Variants in TET1 observed in about 807,000 individuals in gnomAD.
TET1 encodes tet methylcytosine dioxygenase 1.
A neutral mutation model predicts 148.7 loss-of-function variants in TET1; 13 were observed. The observed-to-expected ratio is 0.09, with a 90% confidence interval of 0.06 to 0.14. The LOEUF is 0.14. Ranked by LOEUF, TET1 falls within the 10% of genes least tolerant of loss-of-function variation. TET1 has a pLI of 1.00. For missense variants in TET1, 2,182 were observed against 2,553.8 expected (o/e 0.85, Z 3.14); for synonymous variants, 907 against 937.2 (o/e 0.97, Z 0.59).
At chr10:68,591,754 T>G (rs2053921381) in intron 2 of TET1, among the ~76,000 whole-genome samples, 1 of 151,676 alleles carries the variant, frequency 6.6e-6, no homozygotes, top group Non-Finnish European at 1.5e-5. Flanking sequence ...ATACAAAAAA[T>G]TAGCTGGGCG....
chr10:68,570,368 G>T (rs894434512), intron 1 of TET1, among the ~76,000 whole-genome samples: 1 of 152,034 alleles, frequency 6.6e-6, no homozygotes, highest in Non-Finnish European at 1.5e-5. Context: ...GCCTCCCAAA[G>T]TGCTGGGATT....
rs750542890 is a variant in TET1, at chr10:68,691,466, G to A, written c.6063G>A (p.Glu2021=). 1.2e-6 allele frequency: 2 copies of A among 1,614,100 alleles called. No individual in the cohort carries two copies. Among genetic ancestry groups the A allele is most frequent in the Middle Eastern group, 1.6e-4 (1 of 6,062 alleles). The change falls in exon 12 of 12, where the codon GAG becomes GAA. Residue 2021 remains glutamate (E), a synonymous_variant. Coordinates refer to ENST00000373644, the MANE Select transcript of TET1 (RefSeq NM_030625.3). This position sits in a 1 kb window ranked among gnomAD's most constrained non-coding sequence, Gnocchi z 4.4. ...IAPAHGSVLI[E]CARRELHATT... is the part of the protein sequence containing the mutation. ...CTGCTCACGGCTCGGTTTTGATTGAGTGTGCCCGGCGAGAGCTGCACGCTA... is the reference window on the plus strand; with the variant it reads ...CTGCTCACGGCTCGGTTTTGATTGAATGTGCCCGGCGAGAGCTGCACGCTA...
chr10:68,672,812 C>A, intron 7 of TET1, 83 bp from the exon 8 acceptor site: 1 of 1,253,686 alleles, frequency 8.0e-7, no homozygotes, highest in Non-Finnish European at 1.1e-6. Context: ...ATCCATCCTT[C>A]TAAAGCTATA....
chr10:68,679,627 A>G (rs1195056239), intron 8 of TET1, among the ~76,000 whole-genome samples: 1 of 152,168 alleles, frequency 6.6e-6, no homozygotes, highest in African/African-American at 2.4e-5. Flanking sequence ...TAATTAGTGT[A>G]TGGGTTTAGC....
chr10:68,579,728 G>A (rs2053770417), intron 2 of TET1, among the ~76,000 whole-genome samples: 1 of 152,142 alleles, frequency 6.6e-6, no homozygotes, highest in Non-Finnish European at 1.5e-5. Flanking sequence ...CATTAGCAGG[G>A]AATACAGCAC....
At position 68,691,419 on chromosome 10, in the gene TET1, A is replaced by G. The variant is rs775056557; in HGVS notation, c.6016A>G (p.Ile2006Val). 3 of 1,614,146 alleles carry G rather than the reference A, an allele frequency of 1.9e-6. No homozygotes were observed. The highest frequency in any genetic ancestry group is 2.5e-6 in the Non-Finnish European group (3 of 1,180,034). The change falls in exon 12 of 12, where the codon ATT becomes GTT. Residue 2006 changes from isoleucine to valine, a missense_variant. Ile to Val is a conservative substitution (Grantham distance 29). Around this residue, in one of 11 missense-constraint regions of TET1, gnomAD observed 11 missense variants for 44.0 expected, o/e 0.25. Coordinates refer to ENST00000373644, the MANE Select transcript of TET1 (RefSeq NM_030625.3). The surrounding 1 kb of genome is among the most constrained non-coding windows in gnomAD (Gnocchi z 4.4). ...DSEHIFLDAN[I>V]GGVAIAPAHG... is the part of the protein sequence containing the mutation. The stretch of plus-strand genomic sequence containing the variant: ...TGAGCACATCTTTTTGGATGCAAAT[A>G]TTGGTGGGGTGGCCATCGCACCTGC...
chr10:68,563,537 A>G (rs1476541127), intron 1 of TET1, among the ~76,000 whole-genome samples: 1 of 152,224 alleles, frequency 6.6e-6, no homozygotes, highest in Non-Finnish European at 1.5e-5. Flanking sequence ...TAGTGGGAAG[A>G]ATTGAAATAT....
intron 11 of TET1, among the ~76,000 whole-genome samples, chr10:68,688,207 C>T (rs905679335): frequency 2.0e-5 from 3 of 152,186 alleles, no homozygotes; most frequent in African/African-American, 7.2e-5. Flanking sequence ...AAGCGATTCT[C>T]CTGCCTCAGC....
At chr10:68,661,101 C>A (rs570405261) in intron 6 of TET1, among the ~76,000 whole-genome samples, 2 of 151,328 alleles carry the variant, frequency 1.3e-5, no homozygotes, top group South Asian at 4.2e-4. Context: ...GCGATCTCGG[C>A]TCACTGCAAG....
Position 68,645,526 on chromosome 10 carries a change from A to G in TET1, c.2797A>G (p.Ile933Val). ...CAGTTTGCTTAATAGCTGCAAAGCT[A>G]TCCTCTACACTGTAAGAAAAGACCT... ...TASLLNSCKA[I>V]LYTVRKDLQD... The change falls in exon 4 of 12, where the codon ATC (isoleucine) becomes GTC (valine). Residue 933 changes from isoleucine to valine, a missense_variant. Physicochemically the swap from Ile to Val is conservative, Grantham distance 29. Coordinates refer to ENST00000373644, the MANE Select transcript of TET1 (RefSeq NM_030625.3). 3 of 1,614,164 alleles carry G rather than the reference A, an allele frequency of 1.9e-6. No homozygotes were observed. The highest frequency in any genetic ancestry group is 2.5e-6 in the Non-Finnish European group (3 of 1,180,042).
At chr10:68,664,081 C>T (rs924830453) in intron 6 of TET1, among the ~76,000 whole-genome samples, 1 of 152,090 alleles carries the variant, frequency 6.6e-6, no homozygotes, top group Non-Finnish European at 1.5e-5. Context: ...CTCGCTGCAA[C>T]CTCCACCTCC....
rs770429252 is a variant in TET1, at chr10:68,646,393, C to T, written c.3664C>T (p.Pro1222Ser). The change falls in exon 4 of 12, where the codon CCA becomes TCA. Residue 1222 changes from proline (P) to serine (S), a missense_variant. Transcript: ENST00000373644. ...KISSSTKIWK[P>S]LAQTRSIMQP... ...TTCTTCCTCGACCAAAATATGGAAA[C>T]CACTGGCTCAAACGAGGTCCATTAT... The T allele has an allele frequency of 6.2e-7, 1 of 1,614,112 alleles. No individual in the cohort carries two copies. Among genetic ancestry groups the T allele is most frequent in the South Asian group, 1.1e-5 (1 of 91,080 alleles).
At chr10:68,668,312 G>T (rs983325616) in intron 7 of TET1, among the ~76,000 whole-genome samples, 4 of 152,032 alleles carry the variant, frequency 2.6e-5, no homozygotes. Flanking sequence ...GATGTTGAGT[G>T]GTATTTAGGC....
chr10:68,637,843 T>C (rs2054677377), intron 3 of TET1, among the ~76,000 whole-genome samples: 1 of 150,896 alleles, frequency 6.6e-6, no homozygotes, highest in African/African-American at 2.5e-5. Flanking sequence ...CACTCCAGCA[T>C]GGGTGACAGA....
intron 8 of TET1, among the ~76,000 whole-genome samples, chr10:68,673,952 T>C (rs1315975108): frequency 7.0e-6 from 1 of 143,690 alleles, no homozygotes; most frequent in Non-Finnish European, 1.5e-5. Context: ...TTTTTTCTTT[T>C]TCTTTTTCTT....
At chr10:68,649,071 T>G (rs1245561023) in intron 4 of TET1, among the ~76,000 whole-genome samples, 1 of 152,220 alleles carries the variant, frequency 6.6e-6, no homozygotes, top group Non-Finnish European at 1.5e-5. Context: ...ATCATCATAA[T>G]GGCTTCCATT....
intron 7 of TET1, among the ~76,000 whole-genome samples, chr10:68,671,094 AT>A (rs2055266691): frequency 6.6e-6 from 1 of 151,864 alleles, no homozygotes; most frequent in African/African-American, 2.4e-5. Flanking sequence ...CAGGTTTTTT[AT>A]TTAGGTAAAT....
intron 2 of TET1, among the ~76,000 whole-genome samples, chr10:68,586,487 T>TTTTTTA (rs1554931414): frequency 6.7e-6 from 1 of 148,924 alleles, no homozygotes; most frequent in Non-Finnish European, 1.5e-5. Context: ...CAGCTAACGT[T>TTTTTTA]TTTTTTTTTT....
chr10:68,598,380 G>A (rs533651561), intron 2 of TET1, among the ~76,000 whole-genome samples: 1 of 152,066 alleles, frequency 6.6e-6, no homozygotes, highest in East Asian at 1.9e-4. Flanking sequence ...AGTGAAACTC[G>A]ATCTCCAAAA....
Sources: allele counts gnomAD v4.1 joint callset (sites outside exome capture counted in the v4.1 genomes callset), GRCh38; gene constraint gnomAD v4.1.1; regional missense constraint gnomAD v4.1.1; non-coding constraint Gnocchi (gnomAD v3.1); transcripts MANE v1.5; gene names NCBI Gene and HGNC (gene_info 2026-07-23, HGNC 2026-07-21).